PTPRN2: variants seen among roughly 807,000 people sequenced by gnomAD.
The protein encoded by PTPRN2 is receptor-type tyrosine-protein phosphatase N2.
A neutral mutation model predicts 118.8 loss-of-function variants in PTPRN2; 74 were observed. The observed-to-expected ratio is 0.62, with a 90% CI of 0.52 to 0.76. The LOEUF (loss-of-function observed/expected upper bound fraction) is 0.76, where lower values mean the gene tolerates loss of function less well. Ranked by LOEUF, PTPRN2 falls within the 30% of genes least tolerant of loss-of-function variation. The pLI, the probability that PTPRN2 is intolerant of heterozygous loss-of-function variation, is 0.00. For missense variants in PTPRN2, 1,481 were observed against 1,394.4 expected (o/e 1.06, Z -0.99); for synonymous variants, 641 against 608.0 (o/e 1.05, Z -0.80).
At chr7:157,712,751 C>CAAAAAAAAAA (rs755055515) in intron 12 of PTPRN2, among the ~76,000 whole-genome samples, 1 of 89,930 alleles carries the variant, frequency 1.1e-5, no homozygotes, top group African/African-American at 4.7e-5. Context: ...AACTCCATCT[C>CAAAAAAAAAA]AAAAAAAAAA....
Position 157,590,069 on chromosome 7 carries a change from GAT to G in PTPRN2, c.2496+5167_2496+5168del, listed in dbSNP as rs1800900131. Among the ~76,000 whole-genome samples the G allele has an allele frequency of 6.6e-6, 1 of 152,204 alleles. No homozygotes were observed. The highest frequency in any genetic ancestry group is 2.1e-4 in the South Asian group (1 of 4,830). ...ATTGCAGAAGGAACATCATATTCCA[GAT>G]ATCATCCCAGAATGACCAGCAGAGA... On this transcript the variant is annotated intron_variant, in intron 17 of 22. Coordinates refer to ENST00000389418, the MANE Select transcript of PTPRN2 (RefSeq NM_002847.5). This position sits in a 1 kb window ranked among gnomAD's most constrained non-coding sequence, Gnocchi z 4.0.
intron 11 of PTPRN2, among the ~76,000 whole-genome samples, chr7:158,078,329 CT>C (rs1052642835): frequency 6.6e-6 from 1 of 152,206 alleles, no homozygotes; most frequent in African/African-American, 2.4e-5. Context: ...TTCCAGGCAG[CT>C]GGCAGGTGGC....
At chr7:158,260,226 A>G (rs1797308329) in intron 3 of PTPRN2, among the ~76,000 whole-genome samples, 1 of 152,224 alleles carries the variant, frequency 6.6e-6, no homozygotes, top group South Asian at 2.1e-4. Flanking sequence ...AGCAAAGCCA[A>G]TTAGCAATGC....
At chr7:158,430,880 G>A (rs1247364907) in intron 2 of PTPRN2, among the ~76,000 whole-genome samples, 1 of 152,210 alleles carries the variant, frequency 6.6e-6, no homozygotes, top group African/African-American at 2.4e-5. Flanking sequence ...ATGGTCTCTG[G>A]ACGGAGACCC....
intron 12 of PTPRN2, among the ~76,000 whole-genome samples, chr7:157,701,133 T>C (rs558312409): frequency 3.3e-4 from 50 of 152,330 alleles, no homozygotes; most frequent in African/African-American, 9.1e-4. Flanking sequence ...GCATTTTTTT[T>C]TCCAGTTTTA....
At chr7:158,128,587 C>T (rs775208495) in intron 9 of PTPRN2, among the ~76,000 whole-genome samples, 1 of 152,130 alleles carries the variant, frequency 6.6e-6, no homozygotes, top group African/African-American at 2.4e-5. Context: ...GGTCTCCTTC[C>T]CCAGAAAGTG....
At chr7:157,673,137 C>T (rs1222044571) in intron 13 of PTPRN2, among the ~76,000 whole-genome samples, 1 of 152,166 alleles carries the variant, frequency 6.6e-6, no homozygotes, top group African/African-American at 2.4e-5. Flanking sequence ...AATTTTCCTG[C>T]CTCAGCCTCC....
intron 6 of PTPRN2, among the ~76,000 whole-genome samples, chr7:158,145,834 G>T (rs73745151): frequency 0.034 from 5,128 of 152,248 alleles, 305 homozygotes; most frequent in African/African-American, 0.12. Flanking sequence ...GGGGATGCCA[G>T]GCTGGACTCC....
At chr7:158,262,956 A>G (rs1330338421) in intron 3 of PTPRN2, among the ~76,000 whole-genome samples, 1 of 138,248 alleles carries the variant, frequency 7.2e-6, no homozygotes, top group African/African-American at 2.9e-5. Flanking sequence ...TCACACACAT[A>G]CACACATTCA....
intron 22 of PTPRN2, among the ~76,000 whole-genome samples, chr7:157,541,002 A>G (rs1204139659): frequency 6.6e-6 from 1 of 152,256 alleles, no homozygotes; most frequent in Non-Finnish European, 1.5e-5. Flanking sequence ...GGGAGACACA[A>G]CAGTGACACA....
At chr7:158,196,416 C>T (rs1826214245) in intron 4 of PTPRN2, among the ~76,000 whole-genome samples, 1 of 152,214 alleles carries the variant, frequency 6.6e-6, no homozygotes, top group South Asian at 2.1e-4. Flanking sequence ...AAATGGCCCT[C>T]CACCATGGGG....
At chr7:158,108,436 C>T (rs2150362253) in intron 10 of PTPRN2, among the ~76,000 whole-genome samples, 2 of 152,318 alleles carry the variant, frequency 1.3e-5, no homozygotes, top group Admixed American at 1.3e-4. Context: ...AATGGCCTCT[C>T]TGTCCCTGCT....
chr7:157,717,580 T>A (rs1402519224), intron 12 of PTPRN2, among the ~76,000 whole-genome samples: 1 of 152,256 alleles, frequency 6.6e-6, no homozygotes, highest in Non-Finnish European at 1.5e-5. Flanking sequence ...GTCTATGGAC[T>A]CCTTCATGGA....
intron 21 of PTPRN2, among the ~76,000 whole-genome samples, chr7:157,557,265 A>G (rs893209363): frequency 1.3e-5 from 2 of 151,298 alleles, no homozygotes; most frequent in East Asian, 3.9e-4. Flanking sequence ...ACCACACAAC[A>G]CTCACATCCT....
In PTPRN2 at chr7:157,632,554, C is replaced by T. The variant is rs1007687037; in HGVS notation, c.2197-11045G>A. 1.3e-5 allele frequency among the ~76,000 whole-genome samples: 2 copies of T among 152,080 alleles called. No individual in the cohort carries two copies. The highest frequency in any genetic ancestry group is 2.9e-5 in the Non-Finnish European group (2 of 68,012). On this transcript the variant is annotated intron_variant, in intron 14 of 22. Coordinates refer to ENST00000389418, the MANE Select transcript of PTPRN2 (RefSeq NM_002847.5). The surrounding 1 kb of genome is among the most constrained non-coding windows in gnomAD (Gnocchi z 4.3). The stretch of plus-strand genomic sequence containing the variant: ...TTCATACGATTGATGGATTGTTTTA[C>T]GTTGGGCATTTTTTAGCAAGATATC...
chr7:157,960,225 A>AAACT (rs1801436850), intron 11 of PTPRN2, among the ~76,000 whole-genome samples: 1 of 152,188 alleles, frequency 6.6e-6, no homozygotes, highest in Non-Finnish European at 1.5e-5. Flanking sequence ...TCAGTTTGAG[A>AAACT]AAATGAACAA....
chr7:157,983,505 C>A lies in PTPRN2; in HGVS notation c.1724-84768G>T, dbSNP rs74894296. ...GACGAAGAGGGTGCTGATCACATCC[C>A]ACCCCAGCTTCCAGGTGCTTCTGAC... On this transcript the variant is annotated intron_variant, in intron 11 of 22. Coordinates refer to ENST00000389418, the MANE Select transcript of PTPRN2 (RefSeq NM_002847.5). Among the ~76,000 whole-genome samples, 501 of 152,308 alleles carry A rather than the reference C, an allele frequency of 3.3e-3. 1 individual carries two copies. Among genetic ancestry groups the A allele is most frequent in the African/African-American group, 0.011 (469 of 41,536 alleles).
chr7:157,956,627 C>T (rs1467060069), intron 11 of PTPRN2, among the ~76,000 whole-genome samples: 5 of 152,230 alleles, frequency 3.3e-5, no homozygotes, highest in Non-Finnish European at 7.3e-5. Flanking sequence ...CAGTGCTCCC[C>T]AGGGGAAGGA....
chr7:157,612,827 GCAT>G (rs1802452913), intron 15 of PTPRN2, among the ~76,000 whole-genome samples: 1 of 152,220 alleles, frequency 6.6e-6, no homozygotes, highest in Non-Finnish European at 1.5e-5. Flanking sequence ...CGGTCAAAGG[GCAT>G]CCACAGAGGC....
Sources: allele counts gnomAD v4.1 joint callset (sites outside exome capture counted in the v4.1 genomes callset), GRCh38; gene constraint gnomAD v4.1.1; non-coding constraint Gnocchi (gnomAD v3.1); transcripts MANE v1.5; gene names NCBI Gene and HGNC (gene_info 2026-07-23, HGNC 2026-07-21).